The following EVA1C variants were observed in gnomAD, a reference collection of about 807,000 sequenced individuals.
EVA1C encodes eva-1 homolog C, also known as protein eva-1 homolog C.
EVA1C carries 25 observed loss-of-function variants against 45.4 expected under a neutral mutation model. The observed-to-expected ratio is 0.55, with a 90% confidence interval of 0.40 to 0.77. The LOEUF (loss-of-function observed/expected upper bound fraction) is 0.77. Ranked by LOEUF, EVA1C falls within the 30% of genes least tolerant of loss-of-function variation. The pLI is 0.00. For synonymous variants in EVA1C, 190 were observed against 221.2 expected, an observed-to-expected ratio of 0.86 and a Z score of 1.25; for missense variants, 479 against 554.8, an observed-to-expected ratio of 0.86 and a Z score of 1.37.
intron 4 of EVA1C, among the ~76,000 whole-genome samples, chr21:32,492,391 G>A (rs1488117417): frequency 6.6e-6 from 1 of 152,126 alleles, no homozygotes; most frequent in Non-Finnish European, 1.5e-5. Flanking sequence ...GAGAGATGCA[G>A]GGGAGGCATA....
At chr21:32,454,335 G>T (rs1264473401) in intron 2 of EVA1C, among the ~76,000 whole-genome samples, 7 of 152,114 alleles carry the variant, frequency 4.6e-5, no homozygotes, top group Non-Finnish European at 1.0e-4. Context: ...TGTCATTCTT[G>T]CTTGGAGCTA....
intron 4 of EVA1C, among the ~76,000 whole-genome samples, chr21:32,482,854 C>CTTTT (rs774611494): frequency 4.9e-5 from 3 of 60,966 alleles, no homozygotes; most frequent in African/African-American, 8.2e-5. Flanking sequence ...GTGTTATTCC[C>CTTTT]TTTTTTTTTT....
intron 1 of EVA1C, among the ~76,000 whole-genome samples, chr21:32,429,113 TC>T (rs2034600611): frequency 6.7e-6 from 1 of 149,140 alleles, no homozygotes; most frequent in East Asian, 1.9e-4. Flanking sequence ...CAACCTCGCC[TC>T]CCGGGTTTAA....
rs1568897957 is a variant in EVA1C at position 32,452,076 on chromosome 21, T to G, written c.161-1236T>G. The G allele has an allele frequency of 6.6e-6, 1 of 152,364 alleles. No homozygotes were observed. The highest frequency in any genetic ancestry group is 6.5e-5 in the Admixed American group (1 of 15,298). The allele number at this position is 152,364 out of a possible 1,614,324, so 9.4% of individuals were successfully genotyped here. On this transcript the variant is annotated intron_variant, in intron 1 of 7. Transcript: ENST00000300255. This position sits in a 1 kb window ranked among gnomAD's most constrained non-coding sequence, Gnocchi z 4.0. ...CAAGAGTGATTTCTTGAAATGAAAT[T>G]GCATCCTCTCATTCCAATAAGGCAT...
chr21:32,417,072 T>C (rs2034077352), intron 1 of EVA1C, among the ~76,000 whole-genome samples: 1 of 152,120 alleles, frequency 6.6e-6, no homozygotes, highest in African/African-American at 2.4e-5. Flanking sequence ...CCTTAACCGA[T>C]CCTCCTCCCT....
chr21:32,512,842 A>T (rs1043646056), intron 7 of EVA1C, among the ~76,000 whole-genome samples: 5 of 152,148 alleles, frequency 3.3e-5, no homozygotes, highest in Non-Finnish European at 7.4e-5. Context: ...TTTGGAGAGG[A>T]CAGTGGCTCA....
At chr21:32,502,388 C>T (rs146246640) in intron 6 of EVA1C, among the ~76,000 whole-genome samples, 2,523 of 152,130 alleles carry the variant, frequency 0.017, 70 homozygotes, top group African/African-American at 0.058. Flanking sequence ...TGTGAACCAC[C>T]GCACCCGGCC....
chr21:32,436,224 C>T (rs796160526), intron 1 of EVA1C, among the ~76,000 whole-genome samples: 832 of 115,044 alleles, frequency 7.2e-3, no homozygotes, highest in Middle Eastern at 0.036. Flanking sequence ...TCACCACACC[C>T]GCCTAATTTT....
intron 1 of EVA1C, among the ~76,000 whole-genome samples, chr21:32,430,040 C>T (rs2034638401): frequency 6.6e-6 from 1 of 152,146 alleles, no homozygotes. Context: ...CTGGGCAGTA[C>T]AGCTTTAGGT....
chr21:32,444,768 G>T (rs1184203295), intron 1 of EVA1C, among the ~76,000 whole-genome samples: 1 of 152,164 alleles, frequency 6.6e-6, no homozygotes, highest in East Asian at 1.9e-4. Context: ...CCAGGGACCA[G>T]TCCCCATCCT....
intron 7 of EVA1C, among the ~76,000 whole-genome samples, chr21:32,510,550 A>T (rs1347196251): frequency 6.6e-6 from 1 of 152,194 alleles, no homozygotes; most frequent in Non-Finnish European, 1.5e-5. Context: ...TTTGCAACAG[A>T]GACCATATGG....
chr21:32,501,988 CTT>C (rs1412518316), intron 6 of EVA1C, among the ~76,000 whole-genome samples: 1 of 1,596 alleles, frequency 6.3e-4, no homozygotes, highest in Non-Finnish European at 2.0e-3. Flanking sequence ...TCGCTCTTTT[CTT>C]TCTTTCTTTC....
chr21:32,458,294 C>A (rs1256178712), intron 3 of EVA1C, among the ~76,000 whole-genome samples: 1 of 152,150 alleles, frequency 6.6e-6, no homozygotes, highest in Non-Finnish European at 1.5e-5. Flanking sequence ...TGACTTTTGC[C>A]ATTTCTAATA....
At chr21:32,462,238 A>C (rs1219167424) in intron 3 of EVA1C, among the ~76,000 whole-genome samples, 1 of 151,622 alleles carries the variant, frequency 6.6e-6, no homozygotes, top group Non-Finnish European at 1.5e-5. Flanking sequence ...AAAAAAAAAA[A>C]AAACAATTAG....
intron 1 of EVA1C, among the ~76,000 whole-genome samples, chr21:32,440,701 G>C (rs2035143037): frequency 6.6e-6 from 1 of 152,078 alleles, no homozygotes. Flanking sequence ...ATAAGCCCTG[G>C]GTTATGTTGG....
At chr21:32,436,737 G>T (rs1342032101) in intron 1 of EVA1C, among the ~76,000 whole-genome samples, 1 of 152,280 alleles carries the variant, frequency 6.6e-6, no homozygotes, top group African/African-American at 2.4e-5. Context: ...ATGCACTGCG[G>T]ACCCCCCAAG....
chr21:32,488,769 A>G (rs1391020060), intron 4 of EVA1C, among the ~76,000 whole-genome samples: 1 of 152,142 alleles, frequency 6.6e-6, no homozygotes, highest in African/African-American at 2.4e-5. Context: ...TGTTTTTAGT[A>G]GAGACAGGGT....
intron 3 of EVA1C, among the ~76,000 whole-genome samples, chr21:32,462,936 A>G (rs2036051414): frequency 6.6e-6 from 1 of 152,158 alleles, no homozygotes; most frequent in African/African-American, 2.4e-5. Context: ...CGAGGCTCTC[A>G]GCTCTGGAGG....
chr21:32,501,929 T>C (rs547853314), intron 6 of EVA1C, among the ~76,000 whole-genome samples: 36 of 151,290 alleles, frequency 2.4e-4, no homozygotes, highest in Admixed American at 4.6e-4. Context: ...CTTCCTCCCT[T>C]CCTTCCTTCC....
Sources: gnomAD v4.1 joint callset for allele counts (sites outside exome capture counted in the v4.1 genomes callset) on GRCh38, gnomAD v4.1.1 for gene constraint, Gnocchi (gnomAD v3.1) non-coding constraint, MANE v1.5 for transcripts, NCBI Gene and HGNC (gene_info 2026-07-23, HGNC 2026-07-21) for gene names.